Variants in FBLN1 observed in about 807,000 individuals in gnomAD.
The protein encoded by FBLN1 is fibulin 1, also known as fibulin-1.
Under a neutral mutation model 89.7 loss-of-function variants are expected in FBLN1, and 34 were observed. That is an observed-to-expected ratio of 0.38 (90% CI 0.29 to 0.50). The LOEUF (loss-of-function observed/expected upper bound fraction) is 0.50, where lower values mean the gene tolerates loss of function less well. FBLN1 is among the 20% of genes least tolerant of loss of function. The probability of loss-of-function intolerance (pLI) is 0.92; values close to 1 mark genes in which losing one functional copy is unlikely to be tolerated. For synonymous variants in FBLN1, 393 were observed against 391.3 expected (o/e 1.00, Z -0.05); for missense variants, 777 against 988.1 (o/e 0.79, Z 2.86).
At position 45,557,144 on chromosome 22, in the gene FBLN1, A is replaced by G. The variant is rs544920207; in HGVS notation, c.1697+6529A>G. On this transcript the variant is annotated intron_variant, in intron 14 of 16. Transcript: ENST00000327858. The surrounding 1 kb of genome is among the most constrained non-coding windows in gnomAD (Gnocchi z 4.9). ...GAACATGGTAAAACCAGTGAATTCC[A>G]TGAGCATGAGCCCACTGCCACACCT... 8.1e-4 allele frequency among the ~76,000 whole-genome samples: 124 copies of G among 152,324 alleles called. No individual in the cohort carries two copies. The highest frequency in any genetic ancestry group is 1.6e-3 in the Non-Finnish European group (107 of 68,030).
rs1352445223 is a variant in FBLN1 at position 45,531,739 on chromosome 22, GC to G, written c.544+416del. Among the ~76,000 whole-genome samples, 22 of 152,170 alleles carry G rather than the reference GC, an allele frequency of 1.4e-4. No individual in the cohort carries two copies. Among genetic ancestry groups the G allele is most frequent in the Non-Finnish European group, 2.6e-4 (18 of 68,024 alleles). On this transcript the variant is annotated intron_variant, in intron 5 of 16. Coordinates refer to ENST00000327858, the MANE Select transcript of FBLN1 (RefSeq NM_006486.3). The surrounding 1 kb of genome is among the most constrained non-coding windows in gnomAD (Gnocchi z 4.9). ...GGCTGGCTGGGGAGGGGAAGGGTGG[GC>G]TTACCAAGGAGGGGCCCTGGTGAGG...
rs1350025474 is a variant in FBLN1 at position 45,580,632 on chromosome 22, G to C, written c.1972+3524G>C. On this transcript the variant is annotated intron_variant, in intron 16 of 16. Transcript: ENST00000327858. The surrounding 1 kb of genome is among the most constrained non-coding windows in gnomAD (Gnocchi z 8.6). ...CAGAGCTGGGGCCAGAGCGGGCCTG[G>C]AGCCCGGTCTTCCCCAGACACCACA... Among the ~76,000 whole-genome samples, 1 of 152,238 alleles carries C rather than the reference G, an allele frequency of 6.6e-6. No individual in the cohort carries two copies. The highest frequency in any genetic ancestry group is 1.5e-5 in the Non-Finnish European group (1 of 68,044).
At position 45,532,399 on chromosome 22, in the gene FBLN1, G is replaced by A. The variant is rs1165926161; in HGVS notation, c.545-664G>A. 6.6e-6 allele frequency among the ~76,000 whole-genome samples: 1 copy of A among 152,168 alleles called. No homozygotes were observed. The highest frequency in any genetic ancestry group is 1.5e-5 in the Non-Finnish European group (1 of 68,022). ...GCAGGGTACTGGGAGGCAGTGGGCTGGGGAAGGAGGTGGGGTTACAGGGCC... is the reference window on the plus strand; with the variant it reads ...GCAGGGTACTGGGAGGCAGTGGGCTAGGGAAGGAGGTGGGGTTACAGGGCC... On this transcript the variant is annotated intron_variant, in intron 5 of 16. Transcript: ENST00000327858. This position sits in a 1 kb window ranked among gnomAD's most constrained non-coding sequence, Gnocchi z 4.2.
At chr22:45,535,085 G>C in intron 7 of FBLN1, 115 bp from the exon 8 acceptor site, 2 of 1,172,550 alleles carry the variant, frequency 1.7e-6, no homozygotes, top group East Asian at 2.4e-5. Flanking sequence ...AGAATGTTTT[G>C]GGTTATAGTC....
rs547948060 is a variant in FBLN1, at chr22:45,587,165, C to T, written c.1972+10057C>T. On this transcript the variant is annotated intron_variant, in intron 16 of 16. Transcript: ENST00000327858. ...AATGTGCCTGGCCACTGGTTCCTGA[C>T]GCTGGAAGGCACGAACCCACTCCCC... Among the ~76,000 whole-genome samples, 7 of 152,226 alleles carry T rather than the reference C, an allele frequency of 4.6e-5. No homozygotes were observed. The South Asian group carries it at 6.2e-4, about 14-fold the overall frequency.
intron 1 of FBLN1, among the ~76,000 whole-genome samples, chr22:45,505,908 A>C (rs1050402410): frequency 6.6e-6 from 1 of 152,096 alleles, no homozygotes; most frequent in Non-Finnish European, 1.5e-5. Context: ...AGCAGCTGGG[A>C]TTGCAGGCGC....
chr22:45,552,381 T>G (rs956531448), intron 14 of FBLN1, among the ~76,000 whole-genome samples: 5 of 152,206 alleles, frequency 3.3e-5, no homozygotes, highest in Admixed American at 1.3e-4. Context: ...GGGATTGAGC[T>G]GCTGGGCGCC....
chr22:45,576,739 C>T lies in FBLN1; in HGVS notation c.1841-238C>T, dbSNP rs987831372. On this transcript the variant is annotated intron_variant, in intron 15 of 16. Transcript: ENST00000327858. The surrounding 1 kb of genome is among the most constrained non-coding windows in gnomAD (Gnocchi z 5.2). ...TTAGCTCTGTGTCCCCGAGGAAGAT[C>T]CAAAATCTCTCCTGACTTCAGTTTC... Among the ~76,000 whole-genome samples, 1 of 152,190 alleles carries T rather than the reference C, an allele frequency of 6.6e-6. No individual in the cohort carries two copies. The highest frequency in any genetic ancestry group is 1.5e-5 in the Non-Finnish European group (1 of 68,020).
chr22:45,515,773 A>G (rs368998726), intron 1 of FBLN1, among the ~76,000 whole-genome samples: 2 of 152,306 alleles, frequency 1.3e-5, no homozygotes, highest in East Asian at 1.9e-4. Flanking sequence ...CTTCTCAGCA[A>G]CCCTGGGAAG....
chr22:45,518,844 G>A (rs1403531894), intron 2 of FBLN1, 57 bp downstream of exon 2: 3 of 1,412,492 alleles, frequency 2.1e-6, no homozygotes, highest in Non-Finnish European at 2.9e-6. Flanking sequence ...GAGAAAAGTG[G>A]GGGAGGAAGG....
At position 45,581,819 on chromosome 22, in the gene FBLN1, G is replaced by A. The variant is rs141690979; in HGVS notation, c.1972+4711G>A. Among the ~76,000 whole-genome samples, 8 of 152,236 alleles carry A rather than the reference G, an allele frequency of 5.3e-5. No homozygotes were observed. Among genetic ancestry groups the A allele is most frequent in the South Asian group, 2.1e-4 (1 of 4,818 alleles). On this transcript the variant is annotated intron_variant, in intron 16 of 16. Coordinates refer to ENST00000327858, the MANE Select transcript of FBLN1 (RefSeq NM_006486.3). The surrounding 1 kb of genome is among the most constrained non-coding windows in gnomAD (Gnocchi z 7.6). ...CGTCTGTGGCTGGCCCATGAACAGC[G>A]CGATGAGAGGCAGGGAGCCAGGAAG...
At chr22:45,594,974 A>G (rs969053962) in intron 16 of FBLN1, among the ~76,000 whole-genome samples, 1 of 152,174 alleles carries the variant, frequency 6.6e-6, no homozygotes, top group African/African-American at 2.4e-5. Flanking sequence ...GCAGGCATTT[A>G]TTTGGCATCT....
intron 1 of FBLN1, among the ~76,000 whole-genome samples, chr22:45,508,309 G>A (rs545475560): frequency 1.2e-4 from 6 of 50,542 alleles, no homozygotes; most frequent in African/African-American, 3.2e-4. Flanking sequence ...ACGGAGTCTT[G>A]CACTGTCTGG....
At chr22:45,558,159 G>A in intron 14 of FBLN1, 1 of 710,842 alleles carries the variant, frequency 1.4e-6, no homozygotes, top group Non-Finnish European at 2.6e-6. Context: ...GGGCATTTGA[G>A]CCACTTCCTC....
In FBLN1 at chr22:45,518,789, T is replaced by C; in HGVS notation, c.185+2T>C. ...TGCTACGGAATCCAAAGAATGCAGGTACGTTTGCCAGTGGCCACTGTTTCA... is the reference window on the plus strand; with the variant it reads ...TGCTACGGAATCCAAAGAATGCAGGCACGTTTGCCAGTGGCCACTGTTTCA... On this transcript the variant is annotated splice_donor_variant, in intron 2 of 16. Coordinates refer to ENST00000327858, the MANE Select transcript of FBLN1 (RefSeq NM_006486.3). LOFTEE classifies it high-confidence loss of function. 1 of 1,605,068 alleles carries C rather than the reference T, an allele frequency of 6.2e-7. No individual in the cohort carries two copies. The highest frequency in any genetic ancestry group is 8.5e-7 in the Non-Finnish European group (1 of 1,175,542).
In FBLN1 at chr22:45,545,790, A is replaced by G. The variant is rs1463149727; in HGVS notation, c.1322-1295A>G. Among the ~76,000 whole-genome samples, 1 of 152,170 alleles carries G rather than the reference A, an allele frequency of 6.6e-6. No homozygotes were observed. The highest frequency in any genetic ancestry group is 1.5e-5 in the Non-Finnish European group (1 of 68,032). ...ATAGATTTAAGGCTTTTCCAGCCAC[A>G]ATCTCTGTTGCAACCGCTGAACTCT... On this transcript the variant is annotated intron_variant, in intron 11 of 16. Coordinates refer to ENST00000327858, the MANE Select transcript of FBLN1 (RefSeq NM_006486.3). This position sits in a 1 kb window ranked among gnomAD's most constrained non-coding sequence, Gnocchi z 5.9.
chr22:45,538,804 C>G (rs2088516180), intron 8 of FBLN1, among the ~76,000 whole-genome samples: 1 of 152,088 alleles, frequency 6.6e-6, no homozygotes, highest in Non-Finnish European at 1.5e-5. Flanking sequence ...ATCCATCTTC[C>G]TGGAGCTCCT....
chr22:45,565,788 G>C (rs1411359673), intron 14 of FBLN1: 1 of 156,750 alleles, frequency 6.4e-6, no homozygotes, highest in Admixed American at 6.2e-5. Flanking sequence ...TCAGCCAGGT[G>C]TGGTGGCTCA....
At position 45,601,100 on chromosome 22, in the gene FBLN1, T is replaced by C. The variant is rs1601552679; in HGVS notation, c.*654T>C. 1 of 156,024 alleles carries C rather than the reference T, an allele frequency of 6.4e-6. No homozygotes were observed. Among genetic ancestry groups the C allele is most frequent in the Admixed American group, 6.2e-5 (1 of 16,018 alleles). 9.7% of individuals were successfully genotyped at this position (156,024 alleles called of 1,614,324 possible). On this transcript the variant is annotated 3_prime_UTR_variant, in exon 17 of 17. Coordinates refer to ENST00000327858, the MANE Select transcript of FBLN1 (RefSeq NM_006486.3). ...ACTCTGCATCATCCATCTTTTCTTATAGGTGGGAAAATAAACAACTTTGTG... is the reference window on the plus strand; with the variant it reads ...ACTCTGCATCATCCATCTTTTCTTACAGGTGGGAAAATAAACAACTTTGTG...
Sources: gnomAD v4.1 joint callset for allele counts (sites outside exome capture counted in the v4.1 genomes callset) on GRCh38, gnomAD v4.1.1 for gene constraint, Gnocchi (gnomAD v3.1) non-coding constraint, MANE v1.5 for transcripts, NCBI Gene and HGNC (gene_info 2026-07-23, HGNC 2026-07-21) for gene names.